Variants in OTOGL observed in about 807,000 individuals in gnomAD.
OTOGL encodes the protein otogelin-like protein.
OTOGL carries 285 observed loss-of-function variants against 318.5 expected under a neutral mutation model. The ratio of observed to expected loss-of-function variants is 0.89; its 90% confidence interval spans 0.81 to 0.99. The LOEUF is 0.99. Ranked by LOEUF, OTOGL falls within the 50% of genes least tolerant of loss-of-function variation. The pLI, the probability that OTOGL is intolerant of heterozygous loss-of-function variation, is 0.00. For missense variants in OTOGL, 2,899 were observed against 2,845.6 expected, an observed-to-expected ratio of 1.02 and a Z score of -0.43; for synonymous variants, 987 against 936.5, an observed-to-expected ratio of 1.05 and a Z score of -0.99.
chr12:80,341,805 A>G (rs963230429), intron 43 of OTOGL, 143 bp from the exon 44 acceptor site: 2 of 627,988 alleles, frequency 3.2e-6, no homozygotes, highest in Non-Finnish European at 5.5e-6. Context: ...AGTTATTTCA[A>G]TGTAAAAGTT....
rs1455563733 is a variant in OTOGL, at chr12:80,302,794, C to T, written c.3213+11C>T. Reference sequence around the variant, plus strand: ...GGGCCACAGTGGAAGGTAGGTCAACCTAAGCTCCAAATGAGATGTAATGAA... The same window carrying T: ...GGGCCACAGTGGAAGGTAGGTCAACTTAAGCTCCAAATGAGATGTAATGAA... On this transcript the variant is annotated intron_variant, in intron 28 of 58. Transcript: ENST00000547103. 6.9e-7 allele frequency: 1 copy of T among 1,454,020 alleles called. No individual in the cohort carries two copies. Among genetic ancestry groups the T allele is most frequent in the Admixed American group, 2.5e-5 (1 of 39,408 alleles). 90.1% of individuals were successfully genotyped at this position (1,454,020 alleles called of 1,614,324 possible). A position where few individuals can be genotyped will look rare whatever the true frequency, so the allele number is the denominator to read the frequency against.
intron 52 of OTOGL, among the ~76,000 whole-genome samples, chr12:80,364,347 G>A (rs1019138073): frequency 1.2e-4 from 19 of 152,212 alleles, no homozygotes; most frequent in African/African-American, 4.3e-4. Context: ...TCACATAGAC[G>A]AATGTGTTTC....
chr12:80,277,343 A>G (rs1023078771), intron 24 of OTOGL, among the ~76,000 whole-genome samples: 4 of 147,396 alleles, frequency 2.7e-5, no homozygotes, highest in Non-Finnish European at 6.0e-5. Flanking sequence ...TGAAATATAT[A>G]TTTATATTAA....
intron 1 of OTOGL, among the ~76,000 whole-genome samples, chr12:80,146,971 A>G (rs976259424): frequency 4.6e-5 from 7 of 151,602 alleles, no homozygotes; most frequent in South Asian, 2.1e-4. Flanking sequence ...TAGTCTTGCT[A>G]GTTGTCTATT....
intron 52 of OTOGL, among the ~76,000 whole-genome samples, chr12:80,359,270 A>G (rs1186970499): frequency 2.6e-5 from 4 of 152,178 alleles, no homozygotes; most frequent in African/African-American, 7.2e-5. Context: ...AGAAGGGGGT[A>G]TAAACATGGA....
At chr12:80,377,005 C>A in intron 57 of OTOGL, 118 bp from the exon 58 acceptor site, 3 of 586,068 alleles carry the variant, frequency 5.1e-6, no homozygotes, top group Admixed American at 3.8e-5. Context: ...TCTTTCAATA[C>A]TGGAATATAT....
intron 1 of OTOGL, among the ~76,000 whole-genome samples, chr12:80,137,248 ATAG>A (rs1038676804): frequency 7.8e-4 from 119 of 152,276 alleles, no homozygotes; most frequent in African/African-American, 2.2e-3. Context: ...ATGTTATATA[ATAG>A]TATCTCGGTA....
chr12:80,369,341 CT>C (rs1436425669), intron 55 of OTOGL, among the ~76,000 whole-genome samples: 12 of 151,982 alleles, frequency 7.9e-5, no homozygotes, highest in Non-Finnish European at 1.5e-4. Context: ...GCTGAAAATC[CT>C]TTAAGATTAT....
intron 1 of OTOGL, among the ~76,000 whole-genome samples, chr12:80,114,734 A>G (rs146949555): frequency 9.0e-4 from 137 of 152,178 alleles, no homozygotes; most frequent in African/African-American, 2.2e-3. Flanking sequence ...CATTCTCCCC[A>G]TCACTTTCAT....
At position 80,318,666 on chromosome 12, in the gene OTOGL, T is replaced by A. The variant is rs1365999894; in HGVS notation, c.3755T>A (p.Phe1252Tyr). 1 of 1,441,516 alleles carries A rather than the reference T, an allele frequency of 6.9e-7. No homozygotes were observed. Among genetic ancestry groups the A allele is most frequent in the Non-Finnish European group, 9.1e-7 (1 of 1,093,690 alleles). The allele number at this position is 1,441,516 out of a possible 1,614,324, so 89.3% of individuals were successfully genotyped here. Residue 1252 changes from phenylalanine (F) to tyrosine (Y), a missense_variant, in exon 33 of 59, where the codon TTT becomes TAT. This residue lies in a region of OTOGL where 2,607 missense variants were observed against 2,524.9 expected (regional missense o/e 1.03). Coordinates refer to ENST00000547103, the MANE Select transcript of OTOGL (RefSeq NM_001378609.3). ...LPRSSVHTSLFFYFMITPGLF... is the reference protein window; with the variant it reads ...LPRSSVHTSLYFYFMITPGLF... The stretch of plus-strand genomic sequence containing the variant: ...AGAAGCAGTGTTCATACCAGTTTAT[T>A]TTTTTATTTTATGATCACTCCAGGC...
intron 35 of OTOGL, among the ~76,000 whole-genome samples, chr12:80,326,904 G>A (rs896735965): frequency 6.6e-6 from 1 of 152,150 alleles, no homozygotes; most frequent in East Asian, 1.9e-4. Context: ...TACCTTTAGT[G>A]CCGAGTTAGT....
At chr12:80,250,009 C>T (rs889093552) in intron 11 of OTOGL, among the ~76,000 whole-genome samples, 2 of 152,180 alleles carry the variant, frequency 1.3e-5, no homozygotes, top group South Asian at 2.1e-4. Context: ...GGCAATGCCT[C>T]GCCCTGCTTC....
chr12:80,208,772 ATTATC>A (rs1361857309), intron 1 of OTOGL, among the ~76,000 whole-genome samples: 1 of 152,146 alleles, frequency 6.6e-6, no homozygotes, highest in Non-Finnish European at 1.5e-5. Flanking sequence ...AGTATAGAAT[ATTATC>A]TTTTTTTAAA....
At position 80,118,005 on chromosome 12, in the gene OTOGL, C is replaced by T. The variant is rs573000361; in HGVS notation, c.-20+18400C>T. Among the ~76,000 whole-genome samples the T allele has an allele frequency of 1.2e-3, 176 of 152,250 alleles. 3 individuals carry two copies. Among genetic ancestry groups the T allele is most frequent in the African/African-American group, 3.4e-3 (140 of 41,558 alleles). ...TCAGGAAGCCTGGACTGTCCCATCA[C>T]GCCTGTTGTCTCATCACTGCCAGTG... On this transcript the variant is annotated intron_variant, in intron 1 of 58. Coordinates refer to ENST00000547103, the MANE Select transcript of OTOGL (RefSeq NM_001378609.3).
intron 1 of OTOGL, among the ~76,000 whole-genome samples, chr12:80,174,938 C>G (rs1310653588): frequency 6.7e-6 from 1 of 149,818 alleles, no homozygotes; most frequent in African/African-American, 2.5e-5. Flanking sequence ...GGTAAACAAA[C>G]AAAAAAAAAC....
At chr12:80,296,004 G>C (rs1885366041) in intron 26 of OTOGL, among the ~76,000 whole-genome samples, 1 of 152,164 alleles carries the variant, frequency 6.6e-6, no homozygotes, top group Admixed American at 6.5e-5. Flanking sequence ...GGATGCAGTG[G>C]GGAGTTGCCA....
intron 22 of OTOGL, among the ~76,000 whole-genome samples, chr12:80,269,786 C>T (rs763982281): frequency 1.4e-4 from 22 of 152,134 alleles, no homozygotes; most frequent in Non-Finnish European, 2.5e-4. Flanking sequence ...ATGTGTCACA[C>T]TGCATACATT....
intron 1 of OTOGL, among the ~76,000 whole-genome samples, chr12:80,115,130 G>T (rs1273847181): frequency 6.6e-6 from 1 of 151,988 alleles, no homozygotes; most frequent in African/African-American, 2.4e-5. Flanking sequence ...GTCCAGTTTT[G>T]TTCCCTTGAT....
At chr12:80,214,211 A>G (rs954714910) in intron 4 of OTOGL, among the ~76,000 whole-genome samples, 1 of 152,244 alleles carries the variant, frequency 6.6e-6, no homozygotes, top group East Asian at 1.9e-4. Context: ...ACATAGACTT[A>G]GGTGCAGGTC....
Sources: allele counts gnomAD v4.1 joint callset (sites outside exome capture counted in the v4.1 genomes callset), GRCh38; gene constraint gnomAD v4.1.1; regional missense constraint gnomAD v4.1.1; transcripts MANE v1.5; gene names NCBI Gene and HGNC (gene_info 2026-07-23, HGNC 2026-07-21).